Variants in TRAPPC12 observed in about 807,000 individuals in gnomAD.
TRAPPC12 encodes the protein trafficking protein particle complex subunit 12, also known as TPR repeat protein 15.
In TRAPPC12, 61 loss-of-function variants were observed where a neutral mutation model predicts 69.2. That is an observed-to-expected ratio of 0.88 (90% CI 0.72 to 1.09). The LOEUF is 1.09. TRAPPC12 is among the 50% of genes least tolerant of loss of function. The pLI, the probability that TRAPPC12 is intolerant of heterozygous loss-of-function variation, is 0.00. For missense variants in TRAPPC12, 1,101 were observed against 1,016.4 expected, an observed-to-expected ratio of 1.08 and a Z score of -1.13; for synonymous variants, 469 against 438.9, an observed-to-expected ratio of 1.07 and a Z score of -0.86.
chr2:3,414,677 G>A lies in TRAPPC12; in HGVS notation c.1165-7204G>A, dbSNP rs1256737910. On this transcript the variant is annotated intron_variant, in intron 3 of 11. Coordinates refer to ENST00000324266, the MANE Select transcript of TRAPPC12 (RefSeq NM_016030.6). The surrounding 1 kb of genome is among the most constrained non-coding windows in gnomAD (Gnocchi z 4.9). ...GTGTCCTCACAGAGCTGTCAAGCGT[G>A]TCCATGCCGTGCCGCTTGTGCCTCT... Among the ~76,000 whole-genome samples the A allele has an allele frequency of 6.6e-6, 1 of 152,168 alleles. No homozygotes were observed. Among genetic ancestry groups the A allele is most frequent in the African/African-American group, 2.4e-5 (1 of 41,430 alleles).
chr2:3,399,312 C>T (rs1027091489), intron 2 of TRAPPC12, among the ~76,000 whole-genome samples: 1 of 152,184 alleles, frequency 6.6e-6, no homozygotes. Context: ...CAGCTCGCTG[C>T]CCCCCTGGCT....
In TRAPPC12 at chr2:3,460,296, G is replaced by T. The variant is rs754552121; in HGVS notation, c.1637G>T (p.Arg546Leu). The change falls in exon 8 of 12, where the codon CGG becomes CTG. Residue 546 changes from arginine (R) to leucine (L), a missense_variant. Arg to Leu is a moderately radical substitution (Grantham distance 102). Transcript: ENST00000324266. Reference sequence around the variant, plus strand: ...CGGCTGTGGAGGTCACGTCTGGGCCGGGTGATGTACTCCATGGCAAACTGT... The same window carrying T: ...CGGCTGTGGAGGTCACGTCTGGGCCTGGTGATGTACTCCATGGCAAACTGT... ...SIRLWRSRLG[R>L]VMYSMANCLL... is the part of the protein sequence containing the mutation. 8.0e-6 allele frequency: 7 copies of T among 874,762 alleles called. No individual in the cohort carries two copies. The Admixed American group carries it at 1.2e-4, about 15-fold the overall frequency. The allele number at this position is 874,762 out of a possible 1,614,324, so 54.2% of individuals were successfully genotyped here.
rs764295495 is a variant in TRAPPC12 at position 3,388,401 on chromosome 2, C to T, written c.778C>T (p.Pro260Ser). ...CGCTGTGCCCGGGACCGAGGGGCGC[C>T]CCGAACCCGTGGCCATGCGAGGGCC... ...PLAVPGTEGR[P>S]EPVAMRGPQA... The change falls in exon 2 of 12, where the codon CCC becomes TCC. Residue 260 changes from proline (P) to serine (S), a missense_variant. By Grantham distance (74) the Pro-to-Ser change is moderately conservative. Transcript: ENST00000324266. 6 of 1,604,010 alleles carry T rather than the reference C, an allele frequency of 3.7e-6. No homozygotes were observed. The highest frequency in any genetic ancestry group is 5.1e-6 in the Non-Finnish European group (6 of 1,175,260).
chr2:3,382,123 A>ATTTCCAC, intron 1 of TRAPPC12, among the ~76,000 whole-genome samples: 1 of 105,944 alleles, frequency 9.4e-6, no homozygotes, highest in Admixed American at 9.2e-5. Flanking sequence ...GGCAGTGTTT[A>ATTTCCAC]TTTCCACTTT....
intron 4 of TRAPPC12, among the ~76,000 whole-genome samples, chr2:3,423,430 C>T (rs935530249): frequency 3.9e-5 from 6 of 152,052 alleles, no homozygotes; most frequent in African/African-American, 1.2e-4. Flanking sequence ...CAATAGATCT[C>T]TTGAGCTTAT....
intron 3 of TRAPPC12, among the ~76,000 whole-genome samples, chr2:3,419,505 G>GT (rs1662652504): frequency 6.6e-6 from 1 of 152,190 alleles, no homozygotes; most frequent in Admixed American, 6.5e-5. Flanking sequence ...AGTCTGGACA[G>GT]TTTAGGGGAA....
chr2:3,449,561 A>G (rs1433848090), intron 6 of TRAPPC12: 1 of 152,256 alleles, frequency 6.6e-6, no homozygotes, highest in Non-Finnish European at 1.5e-5. Context: ...GATAATTGCT[A>G]ATGTGGTAGT....
chr2:3,432,798 T>C (rs577995698), intron 5 of TRAPPC12, among the ~76,000 whole-genome samples: 1 of 152,320 alleles, frequency 6.6e-6, no homozygotes, highest in Non-Finnish European at 1.5e-5. Context: ...GTATCTACCA[T>C]GAGAACACCC....
intron 5 of TRAPPC12, among the ~76,000 whole-genome samples, chr2:3,434,787 T>C (rs548141664): frequency 1.3e-5 from 2 of 152,292 alleles, no homozygotes; most frequent in African/African-American, 4.8e-5. Flanking sequence ...TTAGGGAATG[T>C]TTGTTTACTT....
intron 3 of TRAPPC12, among the ~76,000 whole-genome samples, chr2:3,418,825 G>A (rs966919610): frequency 6.6e-6 from 1 of 152,210 alleles, no homozygotes; most frequent in East Asian, 1.9e-4. Context: ...GCCTTCAAAT[G>A]TGATGACACG....
In TRAPPC12 at chr2:3,388,279, T is replaced by C. The variant is rs1660608998; in HGVS notation, c.656T>C (p.Leu219Ser). The change falls in exon 2 of 12, where the codon TTG becomes TCG. Residue 219 changes from leucine (L) to serine (S), a missense_variant. Transcript: ENST00000324266. Reference protein sequence around the residue: ...FFGDTAASHSLASDFFDSFTT... With the variant: ...FFGDTAASHSSASDFFDSFTT... ...GGAGACACGGCCGCCAGCCACTCCT[T>C]GGCCTCGGACTTCTTCGACTCCTTT... 6.2e-7 allele frequency: 1 copy of C among 1,607,738 alleles called. No individual in the cohort carries two copies. Among genetic ancestry groups the C allele is most frequent in the Non-Finnish European group, 8.5e-7 (1 of 1,177,068 alleles).
At chr2:3,456,895 CA>C in intron 6 of TRAPPC12, 1 of 328,880 alleles carries the variant, frequency 3.0e-6, no homozygotes, top group Non-Finnish European at 5.9e-6. Context: ...GTTGGGATTA[CA>C]GGCTTGATGC....
At position 3,458,061 on chromosome 2, in the gene TRAPPC12, ACAGAGGCCTCTGCG is replaced by A. The variant is rs1665270661; in HGVS notation, c.1603+369_1603+382del. ...GGGGAGAGAGGCCTCTGCGTCGGGG[ACAGAGGCCTCTGCG>A]TCGGGGACAGAGGCTCGGGAGGGTG... On this transcript the variant is annotated intron_variant, in intron 7 of 11. Transcript: ENST00000324266. 5.0e-5 allele frequency: 18 copies of A among 356,806 alleles called. No individual in the cohort carries two copies. In the South Asian group the frequency reaches 2.2e-3, roughly 44 times the overall value. The allele number at this position is 356,806 out of a possible 1,614,324, so 22.1% of individuals were successfully genotyped here.
chr2:3,419,065 C>T (rs1481548437), intron 3 of TRAPPC12, among the ~76,000 whole-genome samples: 1 of 152,214 alleles, frequency 6.6e-6, no homozygotes, highest in Non-Finnish European at 1.5e-5. Context: ...CTGCTCTCGC[C>T]TTGTTTTGCA....
intron 3 of TRAPPC12, among the ~76,000 whole-genome samples, chr2:3,419,223 G>A (rs71449666): frequency 6.6e-6 from 1 of 152,236 alleles, no homozygotes; most frequent in East Asian, 1.9e-4. Context: ...GAACCAGGAA[G>A]GGAGCAGTTA....
Position 3,478,809 on chromosome 2 carries a change from C to T in TRAPPC12, c.1878-37C>T, listed in dbSNP as rs201653072. The T allele has an allele frequency of 2.0e-4, 327 of 1,595,480 alleles. 2 individuals carry two copies. In the African/African-American group the frequency reaches 3.7e-3, roughly 18 times the overall value. On this transcript the variant is annotated intron_variant, in intron 10 of 11. Coordinates refer to ENST00000324266, the MANE Select transcript of TRAPPC12 (RefSeq NM_016030.6). ...GTGTTGGGGGACAGCAGCTCCTGGG[C>T]TTTCCCCGCTAACTGCCACCGTTGC... is the stretch of plus-strand genomic sequence containing the variant.
intron 5 of TRAPPC12, among the ~76,000 whole-genome samples, chr2:3,441,506 G>C (rs890220915): frequency 4.6e-5 from 7 of 151,584 alleles, no homozygotes; most frequent in African/African-American, 1.7e-4. Flanking sequence ...GAGACTTATT[G>C]GTCTTGTCAG....
At chr2:3,459,637 C>T (rs1378947075) in intron 7 of TRAPPC12, among the ~76,000 whole-genome samples, 1 of 152,174 alleles carries the variant, frequency 6.6e-6, no homozygotes, top group East Asian at 1.9e-4. Flanking sequence ...GGCTCAGGGT[C>T]GCGGTCAGCC....
intron 5 of TRAPPC12, among the ~76,000 whole-genome samples, chr2:3,426,753 GC>G (rs1195212440): frequency 6.6e-6 from 1 of 152,214 alleles, no homozygotes; most frequent in Non-Finnish European, 1.5e-5. Flanking sequence ...GAGGAGCAGG[GC>G]TTTATCCATC....
Sources: gnomAD v4.1 joint callset for allele counts (sites outside exome capture counted in the v4.1 genomes callset) on GRCh38, gnomAD v4.1.1 for gene constraint, Gnocchi (gnomAD v3.1) non-coding constraint, MANE v1.5 for transcripts, NCBI Gene and HGNC (gene_info 2026-07-23, HGNC 2026-07-21) for gene names.